GTF2H1: variants seen among roughly 807,000 people sequenced by gnomAD.
GTF2H1 encodes the protein BTF2 p62.
In GTF2H1, 16 loss-of-function variants were observed where a neutral mutation model predicts 71.2. The observed-to-expected ratio is 0.22, with a 90% CI of 0.15 to 0.34. The LOEUF (loss-of-function observed/expected upper bound fraction) is 0.34. GTF2H1 is among the 10% of genes least tolerant of loss of function. The pLI, the probability that GTF2H1 is intolerant of heterozygous loss-of-function variation, is 1.00. For missense variants in GTF2H1, 498 were observed against 648.2 expected (o/e 0.77, Z 2.52); for synonymous variants, 215 against 219.0 (o/e 0.98, Z 0.16).
chr11:18,324,563 A>G (rs919913274), intron 1 of GTF2H1, among the ~76,000 whole-genome samples: 1 of 152,000 alleles, frequency 6.6e-6, no homozygotes, highest in Non-Finnish European at 1.5e-5. Flanking sequence ...TCTCTGTGCT[A>G]TTTTATTCCC....
intron 4 of GTF2H1, 126 bp from the exon 5 acceptor site, chr11:18,339,438 G>A (rs1865105295): frequency 1.7e-6 from 1 of 592,892 alleles, no homozygotes; most frequent in Non-Finnish European, 3.0e-6. Context: ...GTGAAGGTGA[G>A]GGACTTTCTC....
At chr11:18,361,079 A>G (rs961906088) in intron 14 of GTF2H1, among the ~76,000 whole-genome samples, 1 of 152,150 alleles carries the variant, frequency 6.6e-6, no homozygotes, top group Non-Finnish European at 1.5e-5. Context: ...CTAGGATTAC[A>G]GGCATGAGCC....
intron 12 of GTF2H1, 59 bp downstream of exon 12, chr11:18,358,101 G>A: frequency 8.9e-7 from 1 of 1,119,086 alleles, no homozygotes. Flanking sequence ...AAAGCAAGCT[G>A]GGAGGAGTGC....
chr11:18,358,381 T>G (rs1865612913), intron 12 of GTF2H1, 144 bp from the exon 13 acceptor site: 2 of 578,676 alleles, frequency 3.5e-6, no homozygotes. Flanking sequence ...GCCACAAAAT[T>G]ACTAACTTAT....
chr11:18,332,985 C>A, intron 1 of GTF2H1, 75 bp from the exon 2 acceptor site: 1 of 954,964 alleles, frequency 1.0e-6, no homozygotes, highest in Non-Finnish European at 1.5e-6. Context: ...TTGAAAGGGA[C>A]TCTAGAAGTC....
chr11:18,362,110 C>CTA (rs1865716982), intron 14 of GTF2H1, among the ~76,000 whole-genome samples: 1 of 152,212 alleles, frequency 6.6e-6, no homozygotes, highest in Non-Finnish European at 1.5e-5. Context: ...ATATAGCCTA[C>CTA]TATACTTCTA....
At chr11:18,324,883 T>C (rs1452697557) in intron 1 of GTF2H1, among the ~76,000 whole-genome samples, 1 of 152,252 alleles carries the variant, frequency 6.6e-6, no homozygotes, top group African/African-American at 2.4e-5. Context: ...TTCCCTGCAC[T>C]GCTGTAAAAT....
chr11:18,349,957 G>A (rs528091262), intron 9 of GTF2H1, among the ~76,000 whole-genome samples: 1 of 152,242 alleles, frequency 6.6e-6, no homozygotes, highest in African/African-American at 2.4e-5. Context: ...GTAACTCATT[G>A]AATACTGAAA....
rs1420645541 is a variant in GTF2H1 at position 18,338,215 on chromosome 11, A to G, written c.454A>G (p.Thr152Ala). 1 of 1,608,852 alleles carries G rather than the reference A, an allele frequency of 6.2e-7. No individual in the cohort carries two copies. The highest frequency in any genetic ancestry group is 1.7e-5 in the Admixed American group (1 of 60,018). ...FWANRLNVNA[T>A]DSSSTSNHKQ... ...GGCCAATCGTTTAAATGTGAATGCA[A>G]CAGATAGTTCTTCCACATCCAATCA... The change falls in exon 4 of 15, where the codon ACA (threonine) becomes GCA (alanine). Residue 152 changes from threonine (T) to alanine (A), a missense_variant. By Grantham distance (58) the Thr-to-Ala change is moderately conservative. Transcript: ENST00000265963.
intron 1 of GTF2H1, among the ~76,000 whole-genome samples, 181 bp downstream of exon 1, chr11:18,322,921 C>T (rs1459594035): frequency 6.6e-6 from 1 of 152,140 alleles, no homozygotes; most frequent in Admixed American, 6.6e-5. Flanking sequence ...AGAGGCGACC[C>T]CTAATCTACT....
At chr11:18,337,115 A>G (rs550562549) in intron 3 of GTF2H1, among the ~76,000 whole-genome samples, 3 of 152,278 alleles carry the variant, frequency 2.0e-5, no homozygotes, top group African/African-American at 4.8e-5. Context: ...ATATCTGTGC[A>G]TGCTTAGCGC....
chr11:18,341,513 TTG>T lies in GTF2H1; in HGVS notation c.758-13_758-12del. The T allele has an allele frequency of 6.2e-7, 1 of 1,608,032 alleles. No homozygotes were observed. The highest frequency in any genetic ancestry group is 8.5e-7 in the Non-Finnish European group (1 of 1,177,026). On this transcript the variant is annotated splice_polypyrimidine_tract_variant and intron_variant, in intron 6 of 14. Transcript: ENST00000265963. ...GATAAGACATGCTGAACTTTTTATTTTGTTGATTTTCTAGGCCTAAAAACAAT... is the reference window on the plus strand; with the variant it reads ...GATAAGACATGCTGAACTTTTTATTTTTGATTTTCTAGGCCTAAAAACAAT...
intron 13 of GTF2H1, 94 bp downstream of exon 13, chr11:18,358,734 C>T (rs1281714157): frequency 2.7e-6 from 2 of 748,112 alleles, no homozygotes; most frequent in Non-Finnish European, 4.8e-6. Context: ...TACCATGTGA[C>T]AGACACTGGG....
At chr11:18,327,284 T>C (rs1414828066) in intron 1 of GTF2H1, among the ~76,000 whole-genome samples, 1 of 148,864 alleles carries the variant, frequency 6.7e-6, no homozygotes, top group Non-Finnish European at 1.5e-5. Context: ...ACATAATTAT[T>C]ATAGATCAGA....
At chr11:18,355,900 G>A (rs1431028902) in intron 11 of GTF2H1, among the ~76,000 whole-genome samples, 1 of 152,068 alleles carries the variant, frequency 6.6e-6, no homozygotes, top group Admixed American at 6.6e-5. Context: ...GTCTACCCAT[G>A]CCCCTTTACA....
Position 18,331,021 on chromosome 11 carries a change from G to C in GTF2H1, c.-15-2039G>C, listed in dbSNP as rs529729510. 2.2e-3 allele frequency among the ~76,000 whole-genome samples: 341 copies of C among 152,216 alleles called. 1 individual carries two copies. Among genetic ancestry groups the C allele is most frequent in the African/African-American group, 7.4e-3 (307 of 41,546 alleles). On this transcript the variant is annotated intron_variant, in intron 1 of 14. Coordinates refer to ENST00000265963, the MANE Select transcript of GTF2H1 (RefSeq NM_005316.4). ...TCTAACTCATTGTTTGAGCGAATAAGAAGTAATAATTGTTTTAATCCAGTG... is the reference window on the plus strand; with the variant it reads ...TCTAACTCATTGTTTGAGCGAATAACAAGTAATAATTGTTTTAATCCAGTG...
chr11:18,358,444 T>A, intron 12 of GTF2H1, 81 bp from the exon 13 acceptor site: 3 of 759,888 alleles, frequency 3.9e-6, no homozygotes, highest in Non-Finnish European at 6.8e-6. Context: ...CATTCAAATT[T>A]ATTCTCTGAG....
chr11:18,346,449 G>A (rs1286306746), intron 7 of GTF2H1, among the ~76,000 whole-genome samples: 2 of 152,108 alleles, frequency 1.3e-5, no homozygotes, highest in Admixed American at 6.5e-5. Flanking sequence ...CTCTTCTCCA[G>A]TAGGATTGAT....
At chr11:18,351,372 C>T (rs1865419830) in intron 9 of GTF2H1, among the ~76,000 whole-genome samples, 1 of 150,720 alleles carries the variant, frequency 6.6e-6, no homozygotes, top group African/African-American at 2.4e-5. Context: ...ACCTCTGCCT[C>T]CCGGGTTCAA....
Sources: gnomAD v4.1 joint callset for allele counts (sites outside exome capture counted in the v4.1 genomes callset) on GRCh38, gnomAD v4.1.1 for gene constraint, MANE v1.5 for transcripts, NCBI Gene and HGNC (gene_info 2026-07-23, HGNC 2026-07-21) for gene names.